The following GPHN variants were observed in gnomAD, a reference collection of about 807,000 sequenced individuals.
GPHN encodes gephyrin.
Under a neutral mutation model 95.5 loss-of-function variants are expected in GPHN, and 17 were observed. That is an observed-to-expected ratio of 0.18 (90% CI 0.12 to 0.27). GPHN has a LOEUF of 0.27. GPHN is among the 10% of genes least tolerant of loss of function. GPHN has a pLI of 1.00. For synonymous variants in GPHN, 320 were observed against 322.5 expected (o/e 0.99, Z 0.08); for missense variants, 660 against 978.1 (o/e 0.67, Z 4.34).
At chr14:67,605,976 C>T in the GPHN span, among the ~76,000 whole-genome samples, 2 of 152,166 alleles carry the variant, frequency 1.3e-5, no homozygotes, top group Non-Finnish European at 2.9e-5. Context: ...TGTGAGCCAC[C>T]GTACCTAGCT....
At chr14:67,508,479 C>G in the GPHN span, among the ~76,000 whole-genome samples, 34 of 152,240 alleles carry the variant, frequency 2.2e-4, no homozygotes, top group Admixed American at 6.5e-4. Context: ...TCTCCTGACC[C>G]CTTGCACACT....
At chr14:66,796,861 A>T (rs536705246) in intron 3 of GPHN, among the ~76,000 whole-genome samples, 3 of 151,976 alleles carry the variant, frequency 2.0e-5, no homozygotes, top group Admixed American at 6.6e-5. Flanking sequence ...TTGGTTACCT[A>T]TGCTTGTGGA....
chr14:67,031,517 T>C (rs947482085), intron 10 of GPHN, among the ~76,000 whole-genome samples: 2 of 152,174 alleles, frequency 1.3e-5, no homozygotes, highest in Admixed American at 1.3e-4. Context: ...GCACTATTTT[T>C]CTCGACTTTT....
chr14:66,592,399 A>G (rs1034788177), intron 1 of GPHN, among the ~76,000 whole-genome samples: 3 of 151,744 alleles, frequency 2.0e-5, no homozygotes, highest in Admixed American at 1.3e-4. Flanking sequence ...TTTGCAATCC[A>G]TCCATCTGAC....
chr14:66,973,669 G>A (rs1261887322), intron 9 of GPHN, among the ~76,000 whole-genome samples: 1 of 152,196 alleles, frequency 6.6e-6, no homozygotes, highest in Admixed American at 6.5e-5. Context: ...TGAGGCAGGA[G>A]AATCGCTTGA....
the GPHN span, chr14:67,533,406 A>ACC: frequency 2.0e-5 from 3 of 151,224 alleles, no homozygotes; most frequent in Non-Finnish European, 3.0e-5. Context: ...GAGGTGAGCG[A>ACC]CCCGCGCTCC....
chr14:67,713,119 T>C, the GPHN span, among the ~76,000 whole-genome samples: 3 of 152,086 alleles, frequency 2.0e-5, no homozygotes, highest in Non-Finnish European at 2.9e-5. Context: ...AGCACTCTAA[T>C]GGTAAGCAGA....
chr14:66,816,615 G>T (rs116637580), intron 3 of GPHN, among the ~76,000 whole-genome samples: 2 of 152,118 alleles, frequency 1.3e-5, no homozygotes, highest in Non-Finnish European at 2.9e-5. Context: ...TGTGGACAAA[G>T]ATACAACATA....
At chr14:66,924,328 A>G (rs766752192) in intron 8 of GPHN, 36 bp downstream of exon 8, 1 of 1,105,358 alleles carries the variant, frequency 9.0e-7, no homozygotes, top group Non-Finnish European at 1.4e-6. Context: ...TGGTTTTCCA[A>G]ATATGTATTC....
intron 1 of GPHN, among the ~76,000 whole-genome samples, chr14:66,587,813 C>T (rs1211766086): frequency 1.3e-5 from 2 of 152,178 alleles, no homozygotes; most frequent in African/African-American, 4.8e-5. Context: ...GGTGCAGCTT[C>T]GGCAGACTTA....
the GPHN span, chr14:67,380,603 A>AGTGTTC: frequency 2.0e-6 from 2 of 976,498 alleles, no homozygotes; most frequent in Non-Finnish European, 3.0e-6. Context: ...GTTTGGTTTC[A>AGTGTTC]CATTTATCAG....
At chr14:66,669,866 T>A (rs2066201953) in intron 1 of GPHN, among the ~76,000 whole-genome samples, 2 of 152,346 alleles carry the variant, frequency 1.3e-5, no homozygotes, top group South Asian at 4.1e-4. Context: ...TTATAATTCC[T>A]TTTTGAATAA....
chr14:67,391,921 G>A, the GPHN span, among the ~76,000 whole-genome samples: 1 of 152,298 alleles, frequency 6.6e-6, no homozygotes, highest in Middle Eastern at 3.4e-3. Context: ...GTATCAAGGA[G>A]GCGTGCAGAA....
At chr14:66,615,001 T>C (rs968548292) in intron 1 of GPHN, among the ~76,000 whole-genome samples, 1 of 152,216 alleles carries the variant, frequency 6.6e-6, no homozygotes, top group Non-Finnish European at 1.5e-5. Flanking sequence ...TTGCTGATAA[T>C]TATGGCTTCC....
At chr14:66,805,235 T>G (rs2060500450) in intron 3 of GPHN, among the ~76,000 whole-genome samples, 1 of 152,192 alleles carries the variant, frequency 6.6e-6, no homozygotes, top group Non-Finnish European at 1.5e-5. Flanking sequence ...TCAGATCTCA[T>G]GAGACTTACT....
At chr14:67,540,377 G>A in the GPHN span, among the ~76,000 whole-genome samples, 1 of 152,080 alleles carries the variant, frequency 6.6e-6, no homozygotes, top group South Asian at 2.1e-4. Flanking sequence ...TGTAATCCCA[G>A]CACTTTAAGA....
chr14:67,322,043 A>G, the GPHN span, among the ~76,000 whole-genome samples: 4 of 152,206 alleles, frequency 2.6e-5, no homozygotes, highest in Non-Finnish European at 5.9e-5. Context: ...TTGGCAGACT[A>G]AGCAAAAGTG....
chr14:67,456,245 T>C, the GPHN span, among the ~76,000 whole-genome samples: 2 of 151,738 alleles, frequency 1.3e-5, no homozygotes, highest in African/African-American at 2.4e-5. Flanking sequence ...ATAAGAGAAA[T>C]ACAAATCAAA....
chr14:66,584,841 G>A (rs2061353810), intron 1 of GPHN, among the ~76,000 whole-genome samples: 1 of 152,074 alleles, frequency 6.6e-6, no homozygotes. Flanking sequence ...ATATTGGTCT[G>A]AAATTCTCTT....
Sources: allele counts gnomAD v4.1 joint callset (sites outside exome capture counted in the v4.1 genomes callset), GRCh38; gene constraint gnomAD v4.1.1; transcripts MANE v1.5; gene names NCBI Gene and HGNC (gene_info 2026-07-23, HGNC 2026-07-21).